HPSE2: variants seen among roughly 807,000 people sequenced by gnomAD.
HPSE2 encodes heparanase 2 (inactive).
In HPSE2, 38 loss-of-function variants were observed where a neutral mutation model predicts 60.5. The ratio of observed to expected loss-of-function variants is 0.63; its 90% CI spans 0.48 to 0.82. HPSE2 has a LOEUF of 0.82. HPSE2 is among the 40% of genes least tolerant of loss of function. HPSE2 has a pLI of 0.00. For synonymous variants in HPSE2, 295 were observed against 293.2 expected (o/e 1.01, Z -0.06); for missense variants, 713 against 740.4 (o/e 0.96, Z 0.43).
chr10:99,020,822 T>C (rs1320535900), intron 3 of HPSE2, among the ~76,000 whole-genome samples: 2 of 152,100 alleles, frequency 1.3e-5, no homozygotes, highest in Non-Finnish European at 2.9e-5. Flanking sequence ...TTCTAGGTGA[T>C]TTTCTAAAAT....
At chr10:99,031,035 T>C (rs1159027519) in intron 3 of HPSE2, among the ~76,000 whole-genome samples, 2 of 152,048 alleles carry the variant, frequency 1.3e-5, no homozygotes, top group Admixed American at 6.6e-5. Flanking sequence ...GGTTAATGGG[T>C]CCAAAATAAA....
At chr10:98,756,848 C>T (rs1447272009) in intron 3 of HPSE2, among the ~76,000 whole-genome samples, 1 of 151,926 alleles carries the variant, frequency 6.6e-6, no homozygotes, top group African/African-American at 2.4e-5. Flanking sequence ...CATTCTGGTA[C>T]CAAAACCTGG....
chr10:99,121,504 G>T lies in HPSE2; in HGVS notation c.610+22734C>A, dbSNP rs535069467. 2.0e-5 allele frequency among the ~76,000 whole-genome samples: 3 copies of T among 150,218 alleles called. No homozygotes were observed. The East Asian group carries it at 5.9e-4, about 30-fold the overall frequency. ...TTTAAAAAAAGTGTTTAACTTAAAA[G>T]AAAATATTTTTAAAAGATAATTCCC... is the stretch of plus-strand genomic sequence containing the variant. On this transcript the variant is annotated intron_variant, in intron 3 of 11. Coordinates refer to ENST00000370552, the MANE Select transcript of HPSE2 (RefSeq NM_021828.5).
the HPSE2 span, among the ~76,000 whole-genome samples, chr10:99,276,352 T>C: frequency 6.6e-6 from 1 of 152,170 alleles, no homozygotes; most frequent in African/African-American, 2.4e-5. Context: ...AAGAAAACTC[T>C]ATAGAAAAGT....
At chr10:99,090,831 T>G (rs1379475603) in intron 3 of HPSE2, among the ~76,000 whole-genome samples, 1 of 152,124 alleles carries the variant, frequency 6.6e-6, no homozygotes, top group East Asian at 1.9e-4. Context: ...AATTTCCTGC[T>G]TCCACTCAAG....
intron 3 of HPSE2, among the ~76,000 whole-genome samples, chr10:98,960,716 TTTTTGTTTTA>T (rs1398852672): frequency 1.9e-5 from 2 of 104,596 alleles, no homozygotes; most frequent in African/African-American, 4.5e-5. Context: ...TTTTTTTTTT[TTTTTGTTTTA>T]TTTTTTTTAT....
Position 98,589,606 on chromosome 10 carries a change from A to G in HPSE2, c.1320+25298T>C, listed in dbSNP as rs1945032771. On this transcript the variant is annotated intron_variant, in intron 9 of 11. Coordinates refer to ENST00000370552, the MANE Select transcript of HPSE2 (RefSeq NM_021828.5). ...GCCCTCTCATACATGACAGCCTTTC[A>G]GATGTCAGAAGACAACCTTTGTCTC... Among the ~76,000 whole-genome samples, 4 of 152,208 alleles carry G rather than the reference A, an allele frequency of 2.6e-5. No individual in the cohort carries two copies. The South Asian group carries it at 8.3e-4, about 32-fold the overall frequency.
At position 98,872,181 on chromosome 10, in the gene HPSE2, G is replaced by A. The variant is rs184133945; in HGVS notation, c.611-128125C>T. 9.9e-5 allele frequency among the ~76,000 whole-genome samples: 15 copies of A among 152,138 alleles called. No homozygotes were observed. The East Asian group carries it at 2.7e-3, about 28-fold the overall frequency. Reference sequence around the variant, plus strand: ...GGATGAAAAGGAAGGACCGTTTTCTGCAGAGGCTTTTTCCCCTCACTAAGA... The same window carrying A: ...GGATGAAAAGGAAGGACCGTTTTCTACAGAGGCTTTTTCCCCTCACTAAGA... On this transcript the variant is annotated intron_variant, in intron 3 of 11. Coordinates refer to ENST00000370552, the MANE Select transcript of HPSE2 (RefSeq NM_021828.5).
At chr10:98,976,775 C>A (rs1448640231) in intron 3 of HPSE2, among the ~76,000 whole-genome samples, 1 of 151,260 alleles carries the variant, frequency 6.6e-6, no homozygotes, top group African/African-American at 2.4e-5. Flanking sequence ...CATATCAAAT[C>A]CTTGGAAACT....
At chr10:98,870,057 A>T (rs1312311042) in intron 3 of HPSE2, among the ~76,000 whole-genome samples, 1 of 152,148 alleles carries the variant, frequency 6.6e-6, no homozygotes, top group Non-Finnish European at 1.5e-5. Flanking sequence ...GCAAACTGTC[A>T]TTTTATTAGG....
At chr10:98,601,820 G>A (rs1945435591) in intron 9 of HPSE2, among the ~76,000 whole-genome samples, 1 of 152,066 alleles carries the variant, frequency 6.6e-6, no homozygotes, top group South Asian at 2.1e-4. Context: ...CGGTGGCCAG[G>A]GAAACTGATG....
chr10:98,561,493 A>C (rs1342468101), intron 9 of HPSE2, among the ~76,000 whole-genome samples: 5 of 152,218 alleles, frequency 3.3e-5, no homozygotes, highest in Admixed American at 1.3e-4. Flanking sequence ...AGTTTTAAAA[A>C]ATTAAAAAGT....
At chr10:98,482,940 T>C (rs923030977) in intron 10 of HPSE2, among the ~76,000 whole-genome samples, 158 bp from the exon 11 acceptor site, 12 of 152,244 alleles carry the variant, frequency 7.9e-5, no homozygotes, top group Admixed American at 6.5e-5. Flanking sequence ...GGCCTTGTTA[T>C]TGTGGTTTCT....
intron 3 of HPSE2, among the ~76,000 whole-genome samples, chr10:98,977,848 T>C (rs905754304): frequency 2.0e-5 from 3 of 151,686 alleles, no homozygotes; most frequent in East Asian, 1.9e-4. Context: ...ATACAGATTA[T>C]GAATTTAACT....
intron 3 of HPSE2, among the ~76,000 whole-genome samples, chr10:99,120,249 T>G (rs1212270188): frequency 6.6e-6 from 1 of 151,942 alleles, no homozygotes; most frequent in African/African-American, 2.4e-5. Flanking sequence ...AATTTACGAT[T>G]TAAAAAAACC....
intron 2 of HPSE2, among the ~76,000 whole-genome samples, chr10:99,167,718 AGT>A (rs916796957): frequency 2.0e-5 from 3 of 151,840 alleles, no homozygotes; most frequent in African/African-American, 7.2e-5. Context: ...TATTCTAGTT[AGT>A]GTGTGTGTGT....
At chr10:99,209,767 G>A (rs1848889856) in intron 2 of HPSE2, among the ~76,000 whole-genome samples, 1 of 152,208 alleles carries the variant, frequency 6.6e-6, no homozygotes, top group Admixed American at 6.5e-5. Flanking sequence ...TTGGCTCACT[G>A]CAACCTCCGC....
At chr10:98,463,411 C>T (rs188058181) in intron 11 of HPSE2, among the ~76,000 whole-genome samples, 3 of 152,150 alleles carry the variant, frequency 2.0e-5, no homozygotes, top group South Asian at 2.1e-4. Flanking sequence ...ACAAAGATGA[C>T]GAATGAAAAA....
chr10:98,560,933 A>C (rs534151518), intron 9 of HPSE2, among the ~76,000 whole-genome samples: 1 of 152,356 alleles, frequency 6.6e-6, no homozygotes, highest in South Asian at 2.1e-4. Context: ...ATTTGATATG[A>C]TAATAAATGA....
Sources: allele counts gnomAD v4.1 joint callset (sites outside exome capture counted in the v4.1 genomes callset), GRCh38; gene constraint gnomAD v4.1.1; transcripts MANE v1.5; gene names NCBI Gene and HGNC (gene_info 2026-07-23, HGNC 2026-07-21).